The following RGPD2 variants were observed in gnomAD, a reference collection of about 807,000 sequenced individuals.
RGPD2 encodes RANBP2-like and GRIP domain-containing protein 2.
Under a neutral mutation model 36.0 loss-of-function variants are expected in RGPD2, and 2 were observed. The ratio of observed to expected loss-of-function variants is 0.06; its 90% CI spans 0.02 to 0.17. The LOEUF is 0.17. RGPD2 is among the 10% of genes least tolerant of loss of function. RGPD2 has a pLI of 1.00. For synonymous variants in RGPD2, 19 were observed against 163.8 expected (o/e 0.12, Z 6.75); for missense variants, 40 against 464.3 (o/e 0.09, Z 8.40).
chr2:87,974,795 AC>A, the RGPD2 span, among the ~76,000 whole-genome samples: 3 of 152,190 alleles, frequency 2.0e-5, no homozygotes, highest in African/African-American at 7.2e-5. Context: ...TGGTTCTAAC[AC>A]CAATCAAACC....
the RGPD2 span, among the ~76,000 whole-genome samples, chr2:87,882,409 A>G: frequency 6.6e-6 from 1 of 152,242 alleles, no homozygotes; most frequent in Non-Finnish European, 1.5e-5. Context: ...AACTCACACT[A>G]GTTACGCAGG....
At chr2:87,940,748 T>C in the RGPD2 span, among the ~76,000 whole-genome samples, 2 of 149,876 alleles carry the variant, frequency 1.3e-5, no homozygotes, top group Non-Finnish European at 3.0e-5. Context: ...TAATGAGAAA[T>C]TTCATGCTAA....
chr2:87,806,262 CAT>C (rs1197844225), intron 7 of RGPD2, among the ~76,000 whole-genome samples: 2 of 81,006 alleles, frequency 2.5e-5, no homozygotes, highest in East Asian at 9.0e-4. Context: ...ATGTTATATA[CAT>C]GTGTTTCAAT....
the RGPD2 span, chr2:87,989,173 G>A: frequency 2.0e-6 from 1 of 497,176 alleles, no homozygotes; most frequent in East Asian, 3.7e-5. Context: ...TCAGTTCCTA[G>A]ATGGAAACAA....
the RGPD2 span, among the ~76,000 whole-genome samples, chr2:87,844,282 C>A: frequency 7.0e-6 from 1 of 143,606 alleles, no homozygotes; most frequent in Non-Finnish European, 1.5e-5. Context: ...TTATTCAATT[C>A]AATTTTACTT....
the RGPD2 span, among the ~76,000 whole-genome samples, chr2:87,977,604 A>G: frequency 7.0e-4 from 104 of 149,562 alleles, no homozygotes; most frequent in African/African-American, 2.1e-3. Flanking sequence ...GCTGGAGCCC[A>G]GGAGTTCGAG....
the RGPD2 span, among the ~76,000 whole-genome samples, chr2:87,978,241 A>G: frequency 6.6e-6 from 1 of 152,146 alleles, no homozygotes; most frequent in East Asian, 1.9e-4. Flanking sequence ...TCACGTCTAG[A>G]ACATGTAAGA....
At chr2:87,969,494 C>CA in the RGPD2 span, among the ~76,000 whole-genome samples, 1 of 150,646 alleles carries the variant, frequency 6.6e-6, no homozygotes, top group Non-Finnish European at 1.5e-5. Flanking sequence ...CCGTCTCTAC[C>CA]AAAAAATACA....
chr2:87,824,361 A>G (rs1215872309), intron 1 of RGPD2, among the ~76,000 whole-genome samples: 1 of 152,020 alleles, frequency 6.6e-6, no homozygotes, highest in African/African-American at 2.4e-5. Flanking sequence ...AGCACAATGG[A>G]AGACTAGAAA....
the RGPD2 span, among the ~76,000 whole-genome samples, chr2:87,897,031 G>C: frequency 2.0e-5 from 3 of 152,412 alleles, no homozygotes; most frequent in South Asian, 6.2e-4. Context: ...CATTTATTTA[G>C]TCTTCCGCAT....
the RGPD2 span, among the ~76,000 whole-genome samples, chr2:87,966,014 AG>A: frequency 3.4e-5 from 4 of 118,834 alleles, no homozygotes; most frequent in African/African-American, 1.1e-4. Flanking sequence ...ATGAATGTGG[AG>A]GGAAGGTTGA....
chr2:87,989,717 A>T, the RGPD2 span: 3 of 1,026,262 alleles, frequency 2.9e-6, no homozygotes, highest in Non-Finnish European at 4.3e-6. Context: ...TGTTATGGAC[A>T]GGATCTCTGA....
the RGPD2 span, among the ~76,000 whole-genome samples, chr2:87,962,371 G>GT: frequency 5.5e-4 from 82 of 149,872 alleles, 1 homozygote; most frequent in Non-Finnish European, 7.5e-5. Context: ...TATCCTTTTT[G>GT]TTTTTCCATA....
chr2:87,912,873 T>G, the RGPD2 span, among the ~76,000 whole-genome samples: 2,572 of 132,374 alleles, frequency 0.019, 49 homozygotes, highest in African/African-American at 0.061. Context: ...ATGAACCCTT[T>G]ACAAAAAGAA....
chr2:87,971,698 T>A, the RGPD2 span, among the ~76,000 whole-genome samples: 1 of 151,780 alleles, frequency 6.6e-6, no homozygotes, highest in African/African-American at 2.4e-5. Context: ...CTTGATTATT[T>A]ATTTATTTGC....
In RGPD2 at chr2:87,756,626, AT is replaced by A. The variant is rs1253908131; in HGVS notation, c.*765del. On this transcript the variant is annotated 3_prime_UTR_variant, in exon 23 of 23. Transcript: ENST00000398146. ...AATACACAGAGAGCTCATAAGTAGC[AT>A]TTGAATACATGAATCAAAGTATGGA... is the stretch of plus-strand genomic sequence containing the variant. 1 of 421,852 alleles carries A rather than the reference AT, an allele frequency of 2.4e-6. No homozygotes were observed. The highest frequency in any genetic ancestry group is 4.3e-5 in the East Asian group (1 of 23,050). The allele number at this position is 421,852 out of a possible 1,614,324, so 26.1% of individuals were successfully genotyped here.
chr2:87,922,096 A>G, the RGPD2 span, among the ~76,000 whole-genome samples: 2 of 151,774 alleles, frequency 1.3e-5, no homozygotes, highest in Non-Finnish European at 2.9e-5. Flanking sequence ...GTTTGAGACC[A>G]GCCTGGTCAA....
chr2:87,965,950 G>C, the RGPD2 span, among the ~76,000 whole-genome samples: 4 of 129,340 alleles, frequency 3.1e-5, no homozygotes. Context: ...CATAGCTTTA[G>C]ATTGCTTAAT....
upstream of RGPD2, among the ~76,000 whole-genome samples, chr2:87,826,210 T>C (rs1172261072): frequency 6.6e-6 from 1 of 152,082 alleles, no homozygotes; most frequent in Admixed American, 6.6e-5. Flanking sequence ...AGCTAGTAAA[T>C]GGCATAATTG....
Sources: gnomAD v4.1 joint callset for allele counts (sites outside exome capture counted in the v4.1 genomes callset) on GRCh38, gnomAD v4.1.1 for gene constraint, MANE v1.5 for transcripts, NCBI Gene and HGNC (gene_info 2026-07-23, HGNC 2026-07-21) for gene names.